Variants in PCDHGB4 observed in about 807,000 individuals in gnomAD.
The protein encoded by PCDHGB4 is protocadherin gamma-B4.
Under a neutral mutation model 60.5 loss-of-function variants are expected in PCDHGB4, and 38 were observed. The ratio of observed to expected loss-of-function variants is 0.63; its 90% CI spans 0.48 to 0.82. The LOEUF (loss-of-function observed/expected upper bound fraction) is 0.82. PCDHGB4 is among the 40% of genes least tolerant of loss of function. The pLI is 0.00. For missense variants in PCDHGB4, 1,109 were observed against 1,209.6 expected (o/e 0.92, Z 1.23); for synonymous variants, 456 against 509.7 (o/e 0.89, Z 1.42).
intron 1 of PCDHGB4, among the ~76,000 whole-genome samples, chr5:141,434,748 C>T (rs932613622): frequency 2.0e-5 from 3 of 151,818 alleles, no homozygotes; most frequent in African/African-American, 7.3e-5. Flanking sequence ...CTATGAGACC[C>T]CTGATTCCCC....
Position 141,511,590 on chromosome 5 carries a change from A to C in PCDHGB4, c.*417A>C, listed in dbSNP as rs2099883868. On this transcript the variant is annotated 3_prime_UTR_variant, in exon 4 of 4. Transcript: ENST00000519479. ...AGTAAGGTGGTTGGGGTGTTGAAGT[A>C]CCAAGTAACCTACAAGCCTCCTAGT... The C allele has an allele frequency of 3.7e-6, 1 of 267,790 alleles. No homozygotes were observed. Among genetic ancestry groups the C allele is most frequent in the Admixed American group, 4.8e-5 (1 of 20,946 alleles). The allele number at this position is 267,790 out of a possible 1,614,324, so 16.6% of individuals were successfully genotyped here.
At chr5:141,426,788 T>C (rs2096960035) in intron 1 of PCDHGB4, 1 of 456,568 alleles carries the variant, frequency 2.2e-6, no homozygotes, top group African/African-American at 2.0e-5. Context: ...CTCTCCAGAG[T>C]TACCAGCTCA....
At chr5:141,400,294 T>TTGCC (rs1347415154) in intron 1 of PCDHGB4, 1 of 1,614,070 alleles carries the variant, frequency 6.2e-7, no homozygotes, top group African/African-American at 1.3e-5. Context: ...CTGGAGCTGC[T>TTGCC]TCCAACCTGG....
intron 2 of PCDHGB4, among the ~76,000 whole-genome samples, chr5:141,500,324 T>G (rs1165047676): frequency 6.6e-6 from 1 of 151,994 alleles, no homozygotes; most frequent in African/African-American, 2.4e-5. Flanking sequence ...TGCTCCTGCC[T>G]CAGCCTCCAG....
intron 1 of PCDHGB4, chr5:141,423,074 G>T (rs2096705802): frequency 6.2e-7 from 1 of 1,614,006 alleles, no homozygotes; most frequent in African/African-American, 1.3e-5. Flanking sequence ...AGCGAGCCGG[G>T]ACTCTTCGCG....
At chr5:141,399,111 A>C (rs1561667842) in intron 1 of PCDHGB4, 1 of 1,613,732 alleles carries the variant, frequency 6.2e-7, no homozygotes, top group Non-Finnish European at 8.5e-7. Context: ...CACAATGTAC[A>C]GTTGAAATTA....
At chr5:141,474,772 G>T (rs1053853138) in intron 1 of PCDHGB4, among the ~76,000 whole-genome samples, 1 of 152,182 alleles carries the variant, frequency 6.6e-6, no homozygotes, top group Non-Finnish European at 1.5e-5. Context: ...AATAGTATGA[G>T]GCTCTAACAC....
rs2099623095 is a variant in PCDHGB4 at position 141,486,025 on chromosome 5, T to C, written c.2398-8782T>C. 1 of 1,613,958 alleles carries C rather than the reference T, an allele frequency of 6.2e-7. No individual in the cohort carries two copies. The highest frequency in any genetic ancestry group is 8.5e-7 in the Non-Finnish European group (1 of 1,179,932). The stretch of plus-strand genomic sequence containing the variant: ...ACGTCACCTTTTATTTCAGTGGTCA[T>C]ACCCCTGATCGTGTAAGAAACCTCT... On this transcript the variant is annotated intron_variant, in intron 1 of 3. Transcript: ENST00000519479. The surrounding 1 kb of genome is among the most constrained non-coding windows in gnomAD (Gnocchi z 5.0).
intron 1 of PCDHGB4, among the ~76,000 whole-genome samples, chr5:141,406,540 A>C (rs1180847016): frequency 6.6e-6 from 1 of 152,216 alleles, no homozygotes; most frequent in Non-Finnish European, 1.5e-5. Context: ...ACGAAGATTC[A>C]AACTTCAGTT....
intron 1 of PCDHGB4, chr5:141,422,614 C>T (rs1207238896): frequency 6.2e-7 from 1 of 1,613,812 alleles, no homozygotes; most frequent in South Asian, 1.1e-5. Flanking sequence ...TGCCTACATT[C>T]CCGAAAACAA....
chr5:141,421,548 G>A, intron 1 of PCDHGB4: 19 of 1,613,984 alleles, frequency 1.2e-5, no homozygotes, highest in Non-Finnish European at 1.6e-5. Flanking sequence ...TTTTAAATAT[G>A]GAACTTCTCG....
intron 1 of PCDHGB4, among the ~76,000 whole-genome samples, chr5:141,488,511 G>A (rs2099676160): frequency 6.6e-6 from 1 of 152,162 alleles, no homozygotes. Context: ...CCACATTTGG[G>A]GTCTGGGGTG....
At chr5:141,494,776 C>T in intron 1 of PCDHGB4, 31 bp from the exon 2 acceptor site, 1 of 1,614,100 alleles carries the variant, frequency 6.2e-7, no homozygotes, top group East Asian at 2.2e-5. Context: ...CTCACGGGTA[C>T]TCAGCCCCTT....
At chr5:141,415,002 C>T in intron 1 of PCDHGB4, 2 of 1,613,668 alleles carry the variant, frequency 1.2e-6, no homozygotes, top group East Asian at 2.2e-5. Flanking sequence ...CCTGGCTGTC[C>T]TACCGTCTGC....
chr5:141,422,916 C>T, intron 1 of PCDHGB4: 1 of 1,614,260 alleles, frequency 6.2e-7, no homozygotes, highest in Non-Finnish European at 8.5e-7. Context: ...CGCCCGAGAT[C>T]CTGTACCCTG....
At chr5:141,480,625 G>A (rs1041569361) in intron 1 of PCDHGB4, among the ~76,000 whole-genome samples, 2 of 152,070 alleles carry the variant, frequency 1.3e-5, no homozygotes, top group Non-Finnish European at 2.9e-5. Flanking sequence ...ATTTTCCCTA[G>A]AACAATGTTT....
chr5:141,476,234 G>A lies in PCDHGB4; in HGVS notation c.2398-18573G>A. 6.2e-7 allele frequency: 1 copy of A among 1,614,070 alleles called. No individual in the cohort carries two copies. The highest frequency in any genetic ancestry group is 8.5e-7 in the Non-Finnish European group (1 of 1,180,014). On this transcript the variant is annotated intron_variant, in intron 1 of 3. Coordinates refer to ENST00000519479, the MANE Select transcript of PCDHGB4 (RefSeq NM_003736.4). The surrounding 1 kb of genome is among the most constrained non-coding windows in gnomAD (Gnocchi z 7.6). Reference sequence around the variant, plus strand: ...GGTCATTCACTATGAGATCCCGGAGGAAAGAGAGAAGGGTTTCGCTGTGGG... The same window carrying A: ...GGTCATTCACTATGAGATCCCGGAGAAAAGAGAGAAGGGTTTCGCTGTGGG...
At chr5:141,447,032 C>A (rs1412709585) in intron 1 of PCDHGB4, among the ~76,000 whole-genome samples, 1 of 149,498 alleles carries the variant, frequency 6.7e-6, no homozygotes, top group Admixed American at 6.6e-5. Context: ...TGTTTTTTTT[C>A]TGTGTCTGGA....
intron 1 of PCDHGB4, chr5:141,395,547 TGTGTGTGTGTGTGTGTGTGTG>T (rs2093271294): frequency 4.6e-5 from 8 of 174,262 alleles, no homozygotes; most frequent in Non-Finnish European, 8.3e-5. Context: ...ATTGTTTGTG[TGTGTGTGTGTGTGTGTGTGTG>T]TGTGTGTGTG....
Sources: allele counts gnomAD v4.1 joint callset (sites outside exome capture counted in the v4.1 genomes callset), GRCh38; gene constraint gnomAD v4.1.1; non-coding constraint Gnocchi (gnomAD v3.1); transcripts MANE v1.5; gene names NCBI Gene and HGNC (gene_info 2026-07-23, HGNC 2026-07-21).